FANK1: variants seen among roughly 807,000 people sequenced by gnomAD.
FANK1 encodes fibronectin type III and ankyrin repeat domains 1, also known as fibronectin type 3 and ankyrin repeat domains protein 1.
Under a neutral mutation model 45.3 loss-of-function variants are expected in FANK1, and 44 were observed. The ratio of observed to expected loss-of-function variants is 0.97; its 90% confidence interval spans 0.76 to 1.25. FANK1 has a LOEUF of 1.25. Among genes scored for constraint, FANK1 ranks in the 50% most tolerant of loss-of-function variants. FANK1 has a pLI of 0.00. For synonymous variants in FANK1, 149 were observed against 152.5 expected, an observed-to-expected ratio of 0.98 and a Z score of 0.17; for missense variants, 391 against 424.4, an observed-to-expected ratio of 0.92 and a Z score of 0.69.
chr10:125,904,044 A>G (rs2134104584), intron 1 of FANK1, among the ~76,000 whole-genome samples: 1 of 151,720 alleles, frequency 6.6e-6, no homozygotes, highest in African/African-American at 2.4e-5. Context: ...ATTTTTTTGA[A>G]CTGGAGTCTC....
intron 1 of FANK1, among the ~76,000 whole-genome samples, chr10:125,919,329 G>T (rs78925007): frequency 1.4e-5 from 2 of 144,250 alleles, no homozygotes; most frequent in Non-Finnish European, 3.0e-5. Context: ...CCTCAGCCTC[G>T]CTAGTAGCTG....
At chr10:125,915,390 A>G (rs1946369495) in intron 1 of FANK1, among the ~76,000 whole-genome samples, 1 of 152,034 alleles carries the variant, frequency 6.6e-6, no homozygotes, top group South Asian at 2.1e-4. Context: ...TTGATGCATA[A>G]GTGGCTTTGC....
At chr10:125,964,676 T>C (rs1036611076) in intron 1 of FANK1, among the ~76,000 whole-genome samples, 2 of 152,226 alleles carry the variant, frequency 1.3e-5, no homozygotes, top group African/African-American at 4.8e-5. Flanking sequence ...GCCATTTCAG[T>C]AGTTTTCCAT....
intron 6 of FANK1, among the ~76,000 whole-genome samples, chr10:126,000,759 A>G (rs959252678): frequency 3.9e-5 from 6 of 152,222 alleles, no homozygotes; most frequent in African/African-American, 1.4e-4. Context: ...TTCCAGGGAA[A>G]TATTTACAAA....
At chr10:125,910,176 T>G (rs1160871252) in intron 1 of FANK1, among the ~76,000 whole-genome samples, 2 of 152,196 alleles carry the variant, frequency 1.3e-5, no homozygotes, top group African/African-American at 4.8e-5. Context: ...TTGTTCATAG[T>G]TTTCAGTCAC....
At chr10:125,915,719 T>C (rs7913792) in intron 1 of FANK1, among the ~76,000 whole-genome samples, 3,094 of 152,238 alleles carry the variant, frequency 0.02, 121 homozygotes, top group African/African-American at 0.07. Flanking sequence ...GAGGCTGAGG[T>C]GGGAGAATCC....
rs1211483787 is a variant in FANK1 at position 125,902,184 on chromosome 10, C to T, written c.13+5529C>T. Among the ~76,000 whole-genome samples, 3 of 152,280 alleles carry T rather than the reference C, an allele frequency of 2.0e-5. No individual in the cohort carries two copies. The East Asian group carries it at 5.8e-4, about 29-fold the overall frequency. On this transcript the variant is annotated intron_variant, in intron 1 of 10. Coordinates refer to ENST00000368693, the MANE Select transcript of FANK1 (RefSeq NM_145235.5). ...CTAAATGATGAGTTAATGGGTGCAG[C>T]ACACCAGCATGGCACATGTATACAT... is the stretch of plus-strand genomic sequence containing the variant.
intron 1 of FANK1, among the ~76,000 whole-genome samples, chr10:125,954,463 T>A (rs117095355): frequency 0.016 from 2,479 of 152,336 alleles, 23 homozygotes; most frequent in Non-Finnish European, 0.025. Context: ...ATTGTCATGA[T>A]GGTTTTGTTA....
chr10:125,989,846 A>C (rs898836066), intron 3 of FANK1, among the ~76,000 whole-genome samples: 5 of 152,202 alleles, frequency 3.3e-5, no homozygotes, highest in African/African-American at 4.8e-5. Context: ...AAGGGGCAGG[A>C]GGAAGAGGTG....
At chr10:125,961,016 A>T (rs1471978353) in intron 1 of FANK1, among the ~76,000 whole-genome samples, 1 of 152,258 alleles carries the variant, frequency 6.6e-6, no homozygotes, top group African/African-American at 2.4e-5. Context: ...TGAAGACAGC[A>T]TGGTACTGTC....
intron 1 of FANK1, chr10:125,907,352 AAAC>A (rs888041065): frequency 4.1e-5 from 14 of 341,192 alleles, no homozygotes; most frequent in Non-Finnish European, 5.4e-5. Context: ...TAATGTCTTC[AAAC>A]AACAACAAGT....
intron 1 of FANK1, among the ~76,000 whole-genome samples, chr10:125,933,912 T>C (rs959657465): frequency 6.6e-6 from 1 of 152,206 alleles, no homozygotes; most frequent in Non-Finnish European, 1.5e-5. Flanking sequence ...CAGGAACAGG[T>C]TACTTAACTT....
At chr10:126,006,712 T>C (rs866639726) in intron 7 of FANK1, among the ~76,000 whole-genome samples, 6 of 152,100 alleles carry the variant, frequency 3.9e-5, no homozygotes, top group African/African-American at 1.4e-4. Context: ...ATACAAAAAT[T>C]AGCCAGGCGT....
intron 1 of FANK1, among the ~76,000 whole-genome samples, chr10:125,943,394 G>A (rs1215317829): frequency 1.3e-5 from 2 of 151,732 alleles, no homozygotes; most frequent in Non-Finnish European, 2.9e-5. Flanking sequence ...TGATTCGGTG[G>A]CTTTTTATTA....
intron 1 of FANK1, among the ~76,000 whole-genome samples, chr10:125,927,079 CA>C: frequency 6.6e-6 from 1 of 152,180 alleles, no homozygotes; most frequent in Non-Finnish European, 1.5e-5. Context: ...GCTGGGATTA[CA>C]GGCATGAGCC....
intron 7 of FANK1, 96 bp from the exon 8 acceptor site, chr10:126,008,311 C>A: frequency 1.4e-6 from 2 of 1,440,278 alleles, no homozygotes; most frequent in South Asian, 1.5e-5. Context: ...CTATCTAAGT[C>A]CGGGTGTTGG....
intron 1 of FANK1, among the ~76,000 whole-genome samples, chr10:125,957,697 G>C (rs975273111): frequency 4.0e-5 from 6 of 151,784 alleles, no homozygotes; most frequent in African/African-American, 1.2e-4. Flanking sequence ...GCTGATTTTT[G>C]TACTTTTAGT....
intron 1 of FANK1, among the ~76,000 whole-genome samples, chr10:125,952,842 C>T (rs1040567550): frequency 7.0e-6 from 1 of 143,726 alleles, no homozygotes; most frequent in African/African-American, 2.8e-5. Context: ...CACACACACA[C>T]ACACACACAC....
intron 3 of FANK1, among the ~76,000 whole-genome samples, chr10:125,993,393 T>C (rs1203878406): frequency 6.6e-6 from 1 of 152,210 alleles, no homozygotes; most frequent in Non-Finnish European, 1.5e-5. Context: ...ATCTAAAGTA[T>C]AGATGAGACG....
Sources: allele counts gnomAD v4.1 joint callset (sites outside exome capture counted in the v4.1 genomes callset), GRCh38; gene constraint gnomAD v4.1.1; transcripts MANE v1.5; gene names NCBI Gene and HGNC (gene_info 2026-07-23, HGNC 2026-07-21).